The following SLC10A7 variants were observed in gnomAD, a reference collection of about 807,000 sequenced individuals.
SLC10A7 encodes the protein sodium/bile acid cotransporter 7.
In SLC10A7, 29 loss-of-function variants were observed where a neutral mutation model predicts 43.2. That is an observed-to-expected ratio of 0.67 (90% CI 0.50 to 0.92). The LOEUF is 0.92. Ranked by LOEUF, SLC10A7 falls within the 40% of genes least tolerant of loss-of-function variation. SLC10A7 has a pLI of 0.00. For synonymous variants in SLC10A7, 152 were observed against 144.8 expected (o/e 1.05, Z -0.35); for missense variants, 295 against 403.2 (o/e 0.73, Z 2.30).
chr4:146,461,076 C>A (rs1033398993), intron 4 of SLC10A7, among the ~76,000 whole-genome samples: 2 of 151,858 alleles, frequency 1.3e-5, no homozygotes, highest in Non-Finnish European at 2.9e-5. Flanking sequence ...TGTCTTTTCA[C>A]GTCATTATTT....
intron 4 of SLC10A7, among the ~76,000 whole-genome samples, chr4:146,461,070 T>C (rs1687517175): frequency 6.6e-6 from 1 of 152,004 alleles, no homozygotes; most frequent in Non-Finnish European, 1.5e-5. Context: ...TAAAAATGTC[T>C]TTTCACGTCA....
Position 146,497,185 on chromosome 4 carries a change from A to G in SLC10A7, c.396+6664T>C, listed in dbSNP as rs547191311. Among the ~76,000 whole-genome samples the G allele has an allele frequency of 2.0e-5, 3 of 152,340 alleles. No individual in the cohort carries two copies. In the South Asian group the frequency reaches 6.2e-4, roughly 32 times the overall value. ...CTTTCAGGTAATGCCAGTGCAAGTG[A>G]TCCATGAAATCCATTTTAAGAAACA... On this transcript the variant is annotated intron_variant, in intron 4 of 11. Coordinates refer to ENST00000335472, the MANE Select transcript of SLC10A7 (RefSeq NM_001029998.6).
At position 146,284,425 on chromosome 4, in the gene SLC10A7, C is replaced by G. The variant is rs557344269; in HGVS notation, c.774-1160G>C. Among the ~76,000 whole-genome samples the G allele has an allele frequency of 3.9e-5, 6 of 152,276 alleles. No homozygotes were observed. The South Asian group carries it at 6.2e-4, about 16-fold the overall frequency. ...TCCTGTTTTTCTTGTTGTATACCCA[C>G]AGGAGGAGAGAAGAGTCCCCTCAAC... On this transcript the variant is annotated intron_variant, in intron 9 of 11. Transcript: ENST00000335472.
chr4:146,363,138 A>G (rs1236079852), intron 5 of SLC10A7, among the ~76,000 whole-genome samples: 3 of 152,122 alleles, frequency 2.0e-5, no homozygotes, highest in Non-Finnish European at 4.4e-5. Context: ...ACCTATAAAA[A>G]CACACATAGA....
chr4:146,513,323 A>G (rs1184348851), intron 2 of SLC10A7, among the ~76,000 whole-genome samples: 1 of 152,100 alleles, frequency 6.6e-6, no homozygotes. Flanking sequence ...ATAAGATTAC[A>G]TGTGTGTATG....
intron 5 of SLC10A7, among the ~76,000 whole-genome samples, chr4:146,340,548 G>A (rs950898905): frequency 1.1e-4 from 15 of 137,702 alleles, no homozygotes; most frequent in Admixed American, 1.1e-3. Context: ...GAGAGAGAGA[G>A]AGAGAGAGAG....
intron 10 of SLC10A7, among the ~76,000 whole-genome samples, chr4:146,271,168 C>A (rs1728869352): frequency 6.6e-6 from 1 of 152,126 alleles, no homozygotes; most frequent in African/African-American, 2.4e-5. Context: ...ACATCCATAG[C>A]CTGCAAACTT....
chr4:146,447,162 AAT>A (rs564147078), intron 4 of SLC10A7, among the ~76,000 whole-genome samples: 184 of 152,330 alleles, frequency 1.2e-3, no homozygotes, highest in African/African-American at 4.3e-3. Flanking sequence ...AGTTATATAA[AAT>A]ATGTTTAATA....
intron 6 of SLC10A7, among the ~76,000 whole-genome samples, chr4:146,311,251 A>C (rs1053032804): frequency 3.3e-5 from 5 of 152,154 alleles, no homozygotes; most frequent in African/African-American, 1.2e-4. Context: ...GTAAAATAAT[A>C]TGGGGCAAAC....
chr4:146,342,926 G>A (rs1449214206), intron 5 of SLC10A7, among the ~76,000 whole-genome samples: 1 of 151,672 alleles, frequency 6.6e-6, no homozygotes, highest in Non-Finnish European at 1.5e-5. Flanking sequence ...AATAAGAAGA[G>A]TAATATAATG....
intron 5 of SLC10A7, among the ~76,000 whole-genome samples, chr4:146,385,956 C>T (rs1483356473): frequency 6.6e-6 from 1 of 152,160 alleles, no homozygotes; most frequent in Non-Finnish European, 1.5e-5. Flanking sequence ...TGTATATGTA[C>T]CACATTTTCT....
intron 4 of SLC10A7, 65 bp downstream of exon 4, chr4:146,503,784 G>T (rs962696425): frequency 6.9e-7 from 1 of 1,442,898 alleles, no homozygotes; most frequent in Non-Finnish European, 9.7e-7. Flanking sequence ...CCAAAAATGT[G>T]ATATATTTTT....
chr4:146,310,636 A>G (rs559877991), intron 6 of SLC10A7, among the ~76,000 whole-genome samples: 12 of 152,132 alleles, frequency 7.9e-5, no homozygotes, highest in African/African-American at 2.7e-4. Context: ...TGAGAAGCAG[A>G]CACTGCTTTG....
At chr4:146,516,895 C>T (rs1738053278) in intron 2 of SLC10A7, 143 bp downstream of exon 2, 1 of 594,544 alleles carries the variant, frequency 1.7e-6, no homozygotes, top group Admixed American at 2.7e-5. Context: ...AAACACAAGT[C>T]CTTTGCCGAC....
At chr4:146,376,507 AAAG>A (rs1204255599) in intron 5 of SLC10A7, among the ~76,000 whole-genome samples, 1 of 152,088 alleles carries the variant, frequency 6.6e-6, no homozygotes, top group Non-Finnish European at 1.5e-5. Context: ...GCAGCATGGT[AAAG>A]AAGGAGAGAG....
intron 8 of SLC10A7, 34 bp downstream of exon 8, chr4:146,293,896 A>T: frequency 6.5e-7 from 1 of 1,536,904 alleles, no homozygotes. Context: ...GAGGACACTG[A>T]GGGATAGCCA....
chr4:146,432,207 A>C (rs1169510660), intron 5 of SLC10A7, among the ~76,000 whole-genome samples: 1 of 152,214 alleles, frequency 6.6e-6, no homozygotes, highest in African/African-American at 2.4e-5. Flanking sequence ...TGGTACAATC[A>C]CTTTGGGAAA....
intron 4 of SLC10A7, among the ~76,000 whole-genome samples, chr4:146,495,432 C>T (rs1436666737): frequency 6.6e-6 from 1 of 152,164 alleles, no homozygotes; most frequent in Non-Finnish European, 1.5e-5. Flanking sequence ...ATTGGATTAG[C>T]AAGACCAACT....
chr4:146,485,610 T>C (rs559744973), intron 4 of SLC10A7, among the ~76,000 whole-genome samples: 35 of 152,324 alleles, frequency 2.3e-4, no homozygotes, highest in African/African-American at 7.5e-4. Flanking sequence ...AGTCTAACTA[T>C]GACGGCTTCT....
Sources: gnomAD v4.1 joint callset for allele counts (sites outside exome capture counted in the v4.1 genomes callset) on GRCh38, gnomAD v4.1.1 for gene constraint, MANE v1.5 for transcripts, NCBI Gene and HGNC (gene_info 2026-07-23, HGNC 2026-07-21) for gene names.